TNFSF4: variants seen among roughly 807,000 people sequenced by gnomAD.
TNFSF4 encodes the protein TNF superfamily member 4.
Under a neutral mutation model 7.3 loss-of-function variants are expected in TNFSF4, and 4 were observed. The ratio of observed to expected loss-of-function variants is 0.55; its 90% CI spans 0.27 to 1.25. The LOEUF (loss-of-function observed/expected upper bound fraction) is 1.25. Among genes scored for constraint, TNFSF4 ranks in the 50% most tolerant of loss-of-function variants. The pLI is 0.12. For missense variants in TNFSF4, 181 were observed against 208.8 expected (o/e 0.87, Z 0.82); for synonymous variants, 76 against 83.7 (o/e 0.91, Z 0.50).
the TNFSF4 span, among the ~76,000 whole-genome samples, chr1:173,212,927 A>G: frequency 6.6e-6 from 1 of 152,182 alleles, no homozygotes. Context: ...AGTCTCCCCC[A>G]TGATGCTGCA....
chr1:173,176,392 T>C, the TNFSF4 span, among the ~76,000 whole-genome samples: 1 of 152,164 alleles, frequency 6.6e-6, no homozygotes, highest in East Asian at 1.9e-4. Flanking sequence ...AGAAAAAATA[T>C]GGACTCTGAA....
At chr1:173,273,002 G>T in the TNFSF4 span, among the ~76,000 whole-genome samples, 1 of 152,152 alleles carries the variant, frequency 6.6e-6, no homozygotes, top group Non-Finnish European at 1.5e-5. Flanking sequence ...TCAGAACTGT[G>T]TAAGCGGAAT....
At chr1:173,229,791 T>C in the TNFSF4 span, among the ~76,000 whole-genome samples, 1 of 152,058 alleles carries the variant, frequency 6.6e-6, no homozygotes, top group Non-Finnish European at 1.5e-5. Context: ...TCCTAGTCTC[T>C]GATACAACAG....
the TNFSF4 span, among the ~76,000 whole-genome samples, chr1:173,265,979 A>G: frequency 1.1e-4 from 17 of 152,316 alleles, no homozygotes; most frequent in African/African-American, 4.1e-4. Context: ...GGAGTGATAT[A>G]TAAGTGCTTA....
At chr1:173,265,520 G>A in the TNFSF4 span, among the ~76,000 whole-genome samples, 5 of 152,170 alleles carry the variant, frequency 3.3e-5, no homozygotes, top group Admixed American at 2.6e-4. Flanking sequence ...TGGAGAGCCT[G>A]CATAAACCCA....
the TNFSF4 span, chr1:173,174,721 G>C: frequency 6.6e-6 from 1 of 152,170 alleles, no homozygotes; most frequent in Non-Finnish European, 1.5e-5. Flanking sequence ...TCCCACCCCA[G>C]ACTACAAGAT....
the TNFSF4 span, among the ~76,000 whole-genome samples, chr1:173,227,408 A>T: frequency 6.6e-6 from 1 of 152,182 alleles, no homozygotes; most frequent in Admixed American, 6.5e-5. Flanking sequence ...ATCCCTGAGA[A>T]GACTGGTCTA....
At chr1:173,301,115 G>C in the TNFSF4 span, among the ~76,000 whole-genome samples, 2 of 151,824 alleles carry the variant, frequency 1.3e-5, no homozygotes, top group East Asian at 3.9e-4. Flanking sequence ...GAATTCCAAG[G>C]TTGCTTTCCA....
At chr1:173,287,750 A>C in the TNFSF4 span, among the ~76,000 whole-genome samples, 1 of 152,376 alleles carries the variant, frequency 6.6e-6, no homozygotes, top group East Asian at 1.9e-4. Context: ...CTACTGATAC[A>C]GAAAACAACA....
At chr1:173,286,154 G>A in the TNFSF4 span, among the ~76,000 whole-genome samples, 1 of 152,152 alleles carries the variant, frequency 6.6e-6, no homozygotes, top group African/African-American at 2.4e-5. Flanking sequence ...ACTCAAAATT[G>A]TTACAATGTC....
chr1:173,177,430 C>T, the TNFSF4 span, among the ~76,000 whole-genome samples: 2 of 151,588 alleles, frequency 1.3e-5, no homozygotes, highest in African/African-American at 4.8e-5. Flanking sequence ...CAACAGACAC[C>T]GGGGCCTACT....
the TNFSF4 span, among the ~76,000 whole-genome samples, chr1:173,295,014 T>C: frequency 6.6e-6 from 1 of 151,964 alleles, no homozygotes; most frequent in African/African-American, 2.4e-5. Context: ...CTCATCATAA[T>C]TAGTCAACAG....
At chr1:173,389,638 T>C in the TNFSF4 span, among the ~76,000 whole-genome samples, 1 of 152,182 alleles carries the variant, frequency 6.6e-6, no homozygotes, top group Non-Finnish European at 1.5e-5. Flanking sequence ...TAGTCCAATA[T>C]AACCCAAAAA....
downstream of TNFSF4, among the ~76,000 whole-genome samples, chr1:173,180,328 CT>C (rs1649034076): frequency 6.6e-6 from 1 of 152,134 alleles, no homozygotes; most frequent in South Asian, 2.1e-4. Flanking sequence ...ATATTCAACG[CT>C]TGGTGAGAAG....
chr1:173,395,189 G>T, the TNFSF4 span, among the ~76,000 whole-genome samples: 1 of 151,150 alleles, frequency 6.6e-6, no homozygotes, highest in South Asian at 2.1e-4. Flanking sequence ...TTCTGAATTG[G>T]TTCCAGGGTT....
chr1:173,364,567 A>G, the TNFSF4 span, among the ~76,000 whole-genome samples: 6 of 152,086 alleles, frequency 3.9e-5, no homozygotes, highest in Non-Finnish European at 7.4e-5. Flanking sequence ...AATAATTTGT[A>G]CTACCTTTGC....
At chr1:173,177,544 T>G in the TNFSF4 span, among the ~76,000 whole-genome samples, 3 of 152,124 alleles carry the variant, frequency 2.0e-5, no homozygotes, top group African/African-American at 7.2e-5. Flanking sequence ...GACACACAAT[T>G]TACCTATATA....
the TNFSF4 span, among the ~76,000 whole-genome samples, chr1:173,409,208 G>A: frequency 0.28 from 42,674 of 152,020 alleles, 7,453 homozygotes; most frequent in African/African-American, 0.47. Flanking sequence ...AAAATGTGAA[G>A]GTCATGGAAT....
chr1:173,440,259 T>A, the TNFSF4 span, among the ~76,000 whole-genome samples: 1 of 152,322 alleles, frequency 6.6e-6, no homozygotes, highest in South Asian at 2.1e-4. Context: ...GGATCTTCCA[T>A]GACATATTTT....
Sources: gnomAD v4.1 joint callset for allele counts (sites outside exome capture counted in the v4.1 genomes callset) on GRCh38, gnomAD v4.1.1 for gene constraint, MANE v1.5 for transcripts, NCBI Gene and HGNC (gene_info 2026-07-23, HGNC 2026-07-21) for gene names.